CTNND2: variants seen among roughly 807,000 people sequenced by gnomAD.
The protein encoded by CTNND2 is catenin delta-2.
In CTNND2, 22 loss-of-function variants were observed where a neutral mutation model predicts 144.4. That is an observed-to-expected ratio of 0.15 (90% CI 0.11 to 0.22). The LOEUF (loss-of-function observed/expected upper bound fraction) is 0.22, where lower values mean the gene tolerates loss of function less well. CTNND2 is among the 10% of genes least tolerant of loss of function. The pLI is 1.00. For missense variants in CTNND2, 1,353 were observed against 1,618.8 expected (o/e 0.84, Z 2.82); for synonymous variants, 751 against 695.6 (o/e 1.08, Z -1.25).
chr5:11,182,856 G>C (rs367649489), intron 11 of CTNND2, among the ~76,000 whole-genome samples: 1 of 152,160 alleles, frequency 6.6e-6, no homozygotes, highest in Non-Finnish European at 1.5e-5. Flanking sequence ...CAGCCCTAAT[G>C]GCAAGCAGCT....
intron 1 of CTNND2, among the ~76,000 whole-genome samples, chr5:11,866,825 T>G (rs1337508609): frequency 1.3e-5 from 2 of 152,188 alleles, no homozygotes; most frequent in African/African-American, 4.8e-5. Context: ...CTTCGCGTGA[T>G]CAATAATGGC....
At chr5:11,505,865 G>A (rs998926824) in intron 3 of CTNND2, among the ~76,000 whole-genome samples, 7 of 152,050 alleles carry the variant, frequency 4.6e-5, no homozygotes, top group African/African-American at 1.7e-4. Context: ...AATGACGCAG[G>A]CCCCCGTCAT....
chr5:11,597,436 C>T (rs1779567348), intron 2 of CTNND2, among the ~76,000 whole-genome samples: 1 of 152,152 alleles, frequency 6.6e-6, no homozygotes, highest in Admixed American at 6.5e-5. Flanking sequence ...GCTGACATAT[C>T]TGATGGACTG....
At chr5:11,723,400 G>C (rs1786797984) in intron 2 of CTNND2, among the ~76,000 whole-genome samples, 1 of 152,104 alleles carries the variant, frequency 6.6e-6, no homozygotes, top group African/African-American at 2.4e-5. Flanking sequence ...TGGGGGCCTA[G>C]GATTCATCAG....
At chr5:10,987,719 C>G (rs1032436045) in intron 20 of CTNND2, among the ~76,000 whole-genome samples, 6 of 140,792 alleles carry the variant, frequency 4.3e-5, no homozygotes, top group Admixed American at 1.4e-4. Flanking sequence ...CCCCTCCCCT[C>G]CCCTTCCACC....
At chr5:11,188,199 A>G (rs1359968167) in intron 11 of CTNND2, among the ~76,000 whole-genome samples, 7 of 152,172 alleles carry the variant, frequency 4.6e-5, no homozygotes, top group Non-Finnish European at 1.0e-4. Flanking sequence ...CATGAAATCA[A>G]CTCAAATGCC....
intron 9 of CTNND2, among the ~76,000 whole-genome samples, chr5:11,268,524 G>C (rs369142883): frequency 1.9e-4 from 29 of 152,204 alleles, no homozygotes; most frequent in African/African-American, 6.8e-4. Context: ...TGACCTGAGA[G>C]GTGGAGGTTG....
At chr5:11,474,127 C>T (rs1767493276) in intron 3 of CTNND2, among the ~76,000 whole-genome samples, 1 of 152,172 alleles carries the variant, frequency 6.6e-6, no homozygotes, top group Non-Finnish European at 1.5e-5. Context: ...AAACCTTCAA[C>T]CCTTTTAACC....
chr5:11,883,512 C>G (rs1213066619), intron 1 of CTNND2, among the ~76,000 whole-genome samples: 1 of 152,140 alleles, frequency 6.6e-6, no homozygotes, highest in East Asian at 1.9e-4. Context: ...GACATGAACT[C>G]ATCTTTTTTA....
intron 2 of CTNND2, among the ~76,000 whole-genome samples, chr5:11,663,706 A>G (rs1783401190): frequency 6.6e-6 from 1 of 152,200 alleles, no homozygotes; most frequent in African/African-American, 2.4e-5. Flanking sequence ...CAAAGACTGT[A>G]TAAATCAAAG....
At chr5:11,471,845 C>T (rs1275355010) in intron 3 of CTNND2, among the ~76,000 whole-genome samples, 1 of 152,130 alleles carries the variant, frequency 6.6e-6, no homozygotes, top group East Asian at 1.9e-4. Flanking sequence ...GGCATTAATT[C>T]CCAAAGTGAA....
rs1169566654 is a variant in CTNND2, at chr5:11,110,939, G to C, written c.2382C>G (p.Leu794=). 1.2e-6 allele frequency: 2 copies of C among 1,614,048 alleles called. No homozygotes were observed. Among genetic ancestry groups the C allele is most frequent in the Non-Finnish European group, 1.7e-6 (2 of 1,180,050 alleles). Residue 794 remains leucine (L), a synonymous_variant, in exon 14 of 22, where the codon CTC becomes CTG. Coordinates refer to ENST00000304623, the MANE Select transcript of CTNND2 (RefSeq NM_001332.4). ...HMGTDELDGL[L]CGEANGKDAE... is the part of the protein sequence containing the mutation. ...CATCCTTGCCATTGGCCTCGCCACA[G>C]AGTAGCCCGTCCAGCTCGTCCGTGC...
rs184024689 is a variant in CTNND2, at chr5:11,029,091, G to A, written c.2789-6112C>T. Among the ~76,000 whole-genome samples, 4 of 152,282 alleles carry A rather than the reference G, an allele frequency of 2.6e-5. No individual in the cohort carries two copies. The South Asian group carries it at 8.3e-4, about 32-fold the overall frequency. ...TATTCTTCTGTTGACGAAAAATTGG[G>A]TTGATACTTCATTTTCACTCTTGAG... is the stretch of plus-strand genomic sequence containing the variant. On this transcript the variant is annotated intron_variant, in intron 16 of 21. Coordinates refer to ENST00000304623, the MANE Select transcript of CTNND2 (RefSeq NM_001332.4).
intron 7 of CTNND2, among the ~76,000 whole-genome samples, chr5:11,383,825 C>A (rs963787960): frequency 2.0e-5 from 3 of 152,154 alleles, no homozygotes; most frequent in African/African-American, 7.2e-5. Flanking sequence ...GAAGACAAAA[C>A]ATTAGTCTTT....
At chr5:11,595,175 A>T (rs1779442001) in intron 2 of CTNND2, among the ~76,000 whole-genome samples, 1 of 152,136 alleles carries the variant, frequency 6.6e-6, no homozygotes, top group Admixed American at 6.6e-5. Flanking sequence ...GGATTGCAGG[A>T]GGTGGTAAGG....
intron 3 of CTNND2, among the ~76,000 whole-genome samples, chr5:11,451,031 T>G: frequency 6.6e-6 from 1 of 151,862 alleles, no homozygotes; most frequent in East Asian, 1.9e-4. Context: ...GGCAACCTCT[T>G]TTGGTCTATC....
chr5:11,474,386 T>C (rs555301461), intron 3 of CTNND2, among the ~76,000 whole-genome samples: 2 of 152,302 alleles, frequency 1.3e-5, no homozygotes, highest in African/African-American at 4.8e-5. Context: ...AATATTGTAA[T>C]AGAAAAATAA....
intron 11 of CTNND2, among the ~76,000 whole-genome samples, chr5:11,163,458 T>G (rs982830669): frequency 6.6e-6 from 1 of 152,242 alleles, no homozygotes; most frequent in Admixed American, 6.5e-5. Context: ...TCCCTCACAC[T>G]TAGACAGTGG....
At chr5:11,733,646 C>G (rs555499925) in intron 1 of CTNND2, among the ~76,000 whole-genome samples, 7 of 152,238 alleles carry the variant, frequency 4.6e-5, no homozygotes, top group African/African-American at 1.7e-4. Flanking sequence ...GAAATACAGT[C>G]AATAACTAAT....
Sources: allele counts gnomAD v4.1 joint callset (sites outside exome capture counted in the v4.1 genomes callset), GRCh38; gene constraint gnomAD v4.1.1; transcripts MANE v1.5; gene names NCBI Gene and HGNC (gene_info 2026-07-23, HGNC 2026-07-21).